Variants in NAPA observed in about 807,000 individuals in gnomAD.
NAPA encodes NSF attachment protein alpha.
A neutral mutation model predicts 48.0 loss-of-function variants in NAPA; 18 were observed. That is an observed-to-expected ratio of 0.38 (90% CI 0.26 to 0.56). NAPA has a LOEUF of 0.56. Among genes scored for constraint, NAPA ranks in the 20% least tolerant of loss-of-function variants. The pLI is 0.77. For synonymous variants in NAPA, 152 were observed against 149.9 expected (o/e 1.01, Z -0.10); for missense variants, 315 against 385.0 (o/e 0.82, Z 1.52).
intron 1 of NAPA, among the ~76,000 whole-genome samples, chr19:47,511,353 C>T (rs955808694): frequency 1.3e-4 from 20 of 152,204 alleles, no homozygotes; most frequent in African/African-American, 4.6e-4. Context: ...ACACAAGCTC[C>T]GGTCAGGCCA....
chr19:47,491,120 C>T (rs944113113), intron 8 of NAPA: 12 of 408,500 alleles, frequency 2.9e-5, no homozygotes, highest in Non-Finnish European at 5.4e-5. Context: ...TGCCTCCTCC[C>T]ACCTGGCTCA....
chr19:47,492,704 C>A, intron 7 of NAPA: 1 of 637,980 alleles, frequency 1.6e-6, no homozygotes. Flanking sequence ...CTGGGCCCCT[C>A]CAGGAAGCTC....
At chr19:47,492,832 G>A (rs1270197910) in intron 7 of NAPA, 129 bp downstream of exon 7, 3 of 841,408 alleles carry the variant, frequency 3.6e-6, no homozygotes, top group Middle Eastern at 2.2e-4. Flanking sequence ...ACATGGCAAG[G>A]GATGTCGGGG....
rs1351309092 is a variant in NAPA at position 47,514,861 on chromosome 19, A to T, written c.80T>A (p.Phe27Tyr). The change falls in exon 1 of 11, where the codon TTC (phenylalanine) becomes TAC (tyrosine). Residue 27 changes from phenylalanine to tyrosine, a missense_variant. This residue lies in a region of NAPA where 173 missense variants were observed against 213.5 expected (regional missense o/e 0.81). Coordinates refer to ENST00000263354, the MANE Select transcript of NAPA (RefSeq NM_003827.4). ...AERKVKNSQSFFSGLFGGSSK... is the reference protein window; with the variant it reads ...AERKVKNSQSYFSGLFGGSSK... ...TTCTCACCCAAAGAGGCCAGAGAAG[A>T]AGGACTGCGAGTTCTTCACTTTGCG... 6.2e-7 allele frequency: 1 copy of T among 1,613,900 alleles called. No individual in the cohort carries two copies. The highest frequency in any genetic ancestry group is 8.5e-7 in the Non-Finnish European group (1 of 1,179,996).
chr19:47,493,113 G>T lies in NAPA; in HGVS notation c.476+6C>A, dbSNP rs1599896828. On this transcript the variant is annotated splice_donor_region_variant and intron_variant, in intron 6 of 10. Coordinates refer to ENST00000263354, the MANE Select transcript of NAPA (RefSeq NM_003827.4). The surrounding 1 kb of genome is among the most constrained non-coding windows in gnomAD (Gnocchi z 6.4). ...GCGGGGCTGGGGCAGGCAGGAAGGG[G>T]GCTACCTGTTGGACTCCTCGCCTTT... The T allele has an allele frequency of 7.4e-6, 12 of 1,613,786 alleles. No homozygotes were observed. Among genetic ancestry groups the T allele is most frequent in the Non-Finnish European group, 1.0e-5 (12 of 1,179,856 alleles).
rs558420255 is a variant in NAPA at position 47,503,268 on chromosome 19, C to T, written c.178+155G>A. 10 of 678,012 alleles carry T rather than the reference C, an allele frequency of 1.5e-5. No homozygotes were observed. The East Asian group carries it at 1.8e-4, about 13-fold the overall frequency. The allele number at this position is 678,012 out of a possible 1,614,324, so 42.0% of individuals were successfully genotyped here. A position where few individuals can be genotyped will look rare whatever the true frequency, so the allele number is the denominator to read the frequency against. On this transcript the variant is annotated intron_variant, in intron 2 of 10. Transcript: ENST00000263354. ...CCAGAGTATAAAGTAACCCAGCAGG[C>T]ACAAAACAAGAGAGCAGGCCAGTGG...
chr19:47,503,247 A>G lies in NAPA; in HGVS notation c.178+176T>C, dbSNP rs1297080230. 6.4e-6 allele frequency: 4 copies of G among 627,554 alleles called. No individual in the cohort carries two copies. The African/African-American group carries it at 7.4e-5, about 12-fold the overall frequency. The allele number at this position is 627,554 out of a possible 1,614,324, so 38.9% of individuals were successfully genotyped here. On this transcript the variant is annotated intron_variant, in intron 2 of 10. Coordinates refer to ENST00000263354, the MANE Select transcript of NAPA (RefSeq NM_003827.4). ...CTTTCACCAAGGCCCCATGACCCAG[A>G]GTATAAAGTAACCCAGCAGGCACAA...
chr19:47,486,270 G>A (rs1968075081), downstream of NAPA, among the ~76,000 whole-genome samples: 2 of 152,012 alleles, frequency 1.3e-5, no homozygotes, highest in Non-Finnish European at 2.9e-5. Flanking sequence ...CAGGAGAATC[G>A]CTTGAACCCG....
At chr19:47,501,506 G>A (rs970570624) in intron 2 of NAPA, 2 of 152,232 alleles carry the variant, frequency 1.3e-5, no homozygotes, top group African/African-American at 4.8e-5. Context: ...ATGGAGTTGG[G>A]GTCGGACAAC....
Position 47,489,760 on chromosome 19 carries a change from T to G in NAPA, c.737A>C (p.Lys246Thr). ...CTGCTCCTCGTGGGCCTCTAGCAAT[T>G]TCTGCAAGCAAATGGCAGAGAGGGG... The part of the protein sequence containing the change: ...SDSRECKLMK[K>T]LLEAHEEQNV... Residue 246 changes from lysine to threonine, a missense_variant and splice_region_variant, in exon 10 of 11, where the codon AAA (lysine) becomes ACA (threonine). Transcript: ENST00000263354. 1 of 1,614,044 alleles carries G rather than the reference T, an allele frequency of 6.2e-7. No homozygotes were observed.
intron 9 of NAPA, 26 bp from the exon 10 acceptor site, chr19:47,489,787 CA>C (rs1968189460): frequency 6.2e-7 from 1 of 1,613,504 alleles, no homozygotes; most frequent in Non-Finnish European, 8.5e-7. Context: ...AGAGAGGGGT[CA>C]GGGGCCTATG....
chr19:47,493,204 G>C lies in NAPA; in HGVS notation c.421-30C>G, dbSNP rs369681349. 6.4e-7 allele frequency: 1 copy of C among 1,566,854 alleles called. No homozygotes were observed. ...GGAGACACGGGGGATGGGTTCCAGG[G>C]GAGGGCAGGGAAGGGAGAGGAGGCC... On this transcript the variant is annotated intron_variant, in intron 5 of 10. Coordinates refer to ENST00000263354, the MANE Select transcript of NAPA (RefSeq NM_003827.4). The surrounding 1 kb of genome is among the most constrained non-coding windows in gnomAD (Gnocchi z 6.4).
chr19:47,490,755 G>A (rs373008377), intron 9 of NAPA, 33 bp downstream of exon 9: 38 of 1,603,606 alleles, frequency 2.4e-5, no homozygotes, highest in Middle Eastern at 1.7e-4. Flanking sequence ...TCTGAGGTTC[G>A]GGAAGGGGGA....
chr19:47,485,209 T>C (rs1055305484), downstream of NAPA, among the ~76,000 whole-genome samples: 2 of 152,184 alleles, frequency 1.3e-5, no homozygotes, highest in African/African-American at 4.8e-5. Context: ...TCAGGATTCA[T>C]TGAGCTTTTA....
In NAPA at chr19:47,506,200, G is replaced by A. The variant is rs150539875; in HGVS notation, c.99-2698C>T. Among the ~76,000 whole-genome samples the A allele has an allele frequency of 1.9e-3, 288 of 152,102 alleles. 1 individual carries two copies. Among genetic ancestry groups the A allele is most frequent in the Middle Eastern group, 6.8e-3 (2 of 294 alleles). On this transcript the variant is annotated intron_variant, in intron 1 of 10. Transcript: ENST00000263354. This position sits in a 1 kb window ranked among gnomAD's most constrained non-coding sequence, Gnocchi z 4.0. Reference sequence around the variant, plus strand: ...ATTAGTAGAGACAGGGTTTCACCACGTTGGCCAGGCTGGTCTCGAACTCCT... The same window carrying A: ...ATTAGTAGAGACAGGGTTTCACCACATTGGCCAGGCTGGTCTCGAACTCCT...
In NAPA at chr19:47,500,667, G is replaced by A. The variant is rs138050628; in HGVS notation, c.261C>T (p.Asp87=). The A allele has an allele frequency of 4.4e-4, 709 of 1,611,204 alleles. 1 individual carries two copies. Among genetic ancestry groups the A allele is most frequent in the Middle Eastern group, 2.5e-3 (15 of 6,052 alleles). ...CGGCTTTCTTGAATGCGTTGCCAGC[G>A]TCCACAAAGCAGGTGGCTGCGTCGT... ...SKHDAATCFV[D]AGNAFKKADP... The change falls in exon 3 of 11, where the codon GAC becomes GAT. Residue 87 remains aspartate, a synonymous_variant. Transcript: ENST00000263354.
At chr19:47,491,302 G>A (rs1161334994) in intron 8 of NAPA, 2 of 166,904 alleles carry the variant, frequency 1.2e-5, no homozygotes, top group African/African-American at 4.8e-5. Context: ...GTGGGAATGG[G>A]AACCTGGTCT....
intron 4 of NAPA, among the ~76,000 whole-genome samples, chr19:47,494,611 G>A (rs535659389): frequency 9.9e-5 from 15 of 152,008 alleles, no homozygotes; most frequent in South Asian, 2.1e-4. Flanking sequence ...GGTAGCACAC[G>A]CCTGTAATCC....
At chr19:47,485,327 C>G (rs1473115997), downstream of NAPA, among the ~76,000 whole-genome samples, 1 of 152,172 alleles carries the variant, frequency 6.6e-6, no homozygotes, top group East Asian at 1.9e-4. Context: ...AATGGAGGCT[C>G]AGAAAGAGTA....
Sources: gnomAD v4.1 joint callset for allele counts (sites outside exome capture counted in the v4.1 genomes callset) on GRCh38, gnomAD v4.1.1 for gene constraint, gnomAD v4.1.1 regional missense constraint, Gnocchi (gnomAD v3.1) non-coding constraint, MANE v1.5 for transcripts, NCBI Gene and HGNC (gene_info 2026-07-23, HGNC 2026-07-21) for gene names.